UGT1A9: variants seen among roughly 807,000 people sequenced by gnomAD.
The protein encoded by UGT1A9 is UDP-glucuronosyltransferase 1A9.
Under a neutral mutation model 45.0 loss-of-function variants are expected in UGT1A9, and 35 were observed. The ratio of observed to expected loss-of-function variants is 0.78; its 90% confidence interval spans 0.59 to 1.03. The LOEUF (loss-of-function observed/expected upper bound fraction) is 1.03. UGT1A9 is among the 50% of genes least tolerant of loss of function. The pLI, the probability that UGT1A9 is intolerant of heterozygous loss-of-function variation, is 0.00. For synonymous variants in UGT1A9, 278 were observed against 250.6 expected (o/e 1.11, Z -1.03); for missense variants, 687 against 666.6 (o/e 1.03, Z -0.34).
chr2:233,728,979 T>A, intron 1 of UGT1A9: 1 of 1,500,276 alleles, frequency 6.7e-7, no homozygotes, highest in Non-Finnish European at 8.9e-7. Flanking sequence ...AGATTAATGG[T>A]TAATAATTAA....
Position 233,693,577 on chromosome 2 carries a change from C to T in UGT1A9, c.855+20788C>T, listed in dbSNP as rs1031278629. On this transcript the variant is annotated intron_variant, in intron 1 of 4. Coordinates refer to ENST00000354728, the MANE Select transcript of UGT1A9 (RefSeq NM_021027.3). ...GCAGAAGCCCAGACCCTGTGTCCTACATTCCCAGGTGCTACACAAAGTTTT... is the reference window on the plus strand; with the variant it reads ...GCAGAAGCCCAGACCCTGTGTCCTATATTCCCAGGTGCTACACAAAGTTTT... 4 of 1,614,118 alleles carry T rather than the reference C, an allele frequency of 2.5e-6. No homozygotes were observed. In the African/African-American group the frequency reaches 5.3e-5, roughly 22 times the overall value.
chr2:233,772,363 A>G lies in UGT1A9; in HGVS notation c.1397A>G (p.Lys466Arg). 1 of 1,614,238 alleles carries G rather than the reference A, an allele frequency of 6.2e-7. No homozygotes were observed. Among genetic ancestry groups the G allele is most frequent in the Non-Finnish European group, 8.5e-7 (1 of 1,180,044 alleles). Residue 466 changes from lysine to arginine, a missense_variant, in exon 5 of 5, where the codon AAG (lysine) becomes AGG (arginine). By Grantham distance (26) the Lys-to-Arg change is conservative. Coordinates refer to ENST00000354728, the MANE Select transcript of UGT1A9 (RefSeq NM_021027.3). ...TGGGTGGAGTTTGTGATGAGGCACA[A>G]GGGCGCGCCACACCTGCGCCCCGCA... Reference protein sequence around the residue: ...VFWVEFVMRHKGAPHLRPAAH... With the variant: ...VFWVEFVMRHRGAPHLRPAAH...
At chr2:233,723,943 C>T (rs2125696372) in intron 1 of UGT1A9, among the ~76,000 whole-genome samples, 1 of 54,774 alleles carries the variant, frequency 1.8e-5, no homozygotes, top group African/African-American at 1.4e-4. Flanking sequence ...TCTACACAGA[C>T]ACGGCAACCA....
At chr2:233,730,120 A>G in intron 1 of UGT1A9, 3 of 1,552,984 alleles carry the variant, frequency 1.9e-6, no homozygotes, top group Non-Finnish European at 1.7e-6. Context: ...TCTCCTTGTC[A>G]TAATAGCCTT....
chr2:233,699,567 C>G (rs946765606), intron 1 of UGT1A9, among the ~76,000 whole-genome samples: 1 of 152,218 alleles, frequency 6.6e-6, no homozygotes, highest in African/African-American at 2.4e-5. Context: ...GGCCAGAGCT[C>G]TGGCTCTAGG....
intron 1 of UGT1A9, among the ~76,000 whole-genome samples, chr2:233,737,879 A>G (rs1333884125): frequency 6.6e-6 from 1 of 152,166 alleles, no homozygotes; most frequent in East Asian, 1.9e-4. Flanking sequence ...TTCCACATTA[A>G]CAAAGCTAAT....
intron 1 of UGT1A9, chr2:233,754,923 C>G (rs1466218732): frequency 7.4e-7 from 1 of 1,349,888 alleles, no homozygotes; most frequent in Non-Finnish European, 9.9e-7. Flanking sequence ...CAGCGGGTTT[C>G]CCAAGAGGTC....
intron 1 of UGT1A9, among the ~76,000 whole-genome samples, chr2:233,714,816 G>A (rs1447041593): frequency 6.6e-6 from 1 of 152,208 alleles, no homozygotes; most frequent in African/African-American, 2.4e-5. Context: ...TATGTAGTTA[G>A]TGACAACAAT....
At chr2:233,693,139 A>T (rs887728355) in intron 1 of UGT1A9, 1 of 1,614,190 alleles carries the variant, frequency 6.2e-7, no homozygotes, top group African/African-American at 1.3e-5. Context: ...TGAAGGATAT[A>T]GTTGAGGTTC....
At chr2:233,737,896 G>C (rs1414538821) in intron 1 of UGT1A9, among the ~76,000 whole-genome samples, 1 of 152,068 alleles carries the variant, frequency 6.6e-6, no homozygotes, top group Non-Finnish European at 1.5e-5. Context: ...TAATTTTCGA[G>C]TGTGGTAAAG....
chr2:233,747,399 C>G, intron 1 of UGT1A9: 4 of 1,606,666 alleles, frequency 2.5e-6, no homozygotes, highest in Non-Finnish European at 3.4e-6. Context: ...GGTCCTCACC[C>G]CAGAGGTGAA....
chr2:233,768,088 A>G, intron 3 of UGT1A9, 132 bp from the exon 4 acceptor site: 2 of 1,591,352 alleles, frequency 1.3e-6, no homozygotes, highest in Non-Finnish European at 1.7e-6. Flanking sequence ...CTCAACCCAC[A>G]TTTTCTTCTG....
intron 1 of UGT1A9, among the ~76,000 whole-genome samples, chr2:233,724,153 T>C (rs1193924523): frequency 7.3e-3 from 371 of 51,008 alleles, no homozygotes; most frequent in Admixed American, 0.011. Flanking sequence ...GCTGGCCGGG[T>C]GGGGGGGCTG....
At chr2:233,758,613 T>TGCATGC (rs1429486776) in intron 1 of UGT1A9, among the ~76,000 whole-genome samples, 2 of 152,164 alleles carry the variant, frequency 1.3e-5, no homozygotes, top group Non-Finnish European at 2.9e-5. Flanking sequence ...AGTGTGCATG[T>TGCATGC]GCATGCAAAG....
intron 1 of UGT1A9, chr2:233,717,916 T>A (rs1363488436): frequency 2.2e-6 from 1 of 454,812 alleles, no homozygotes. Flanking sequence ...AAGGCCTGGA[T>A]GAATGGATAC....
chr2:233,743,432 G>A (rs779473501), intron 1 of UGT1A9: 7 of 1,356,042 alleles, frequency 5.2e-6, no homozygotes, highest in South Asian at 2.3e-5. Flanking sequence ...CCAAAGGAAC[G>A]AAATCCTGTA....
In UGT1A9 at chr2:233,724,671, T is replaced by C. The variant is rs376440949; in HGVS notation, c.856-42363T>C. On this transcript the variant is annotated intron_variant, in intron 1 of 4. Coordinates refer to ENST00000354728, the MANE Select transcript of UGT1A9 (RefSeq NM_021027.3). ...CTGGGAAGAGGCGCTCCTCACTTCC[T>C]AGATGGGATGGCGGCCGGGTGAAGA... 3.9e-4 allele frequency among the ~76,000 whole-genome samples: 56 copies of C among 142,288 alleles called. 1 individual carries two copies. Among genetic ancestry groups the C allele is most frequent in the Non-Finnish European group, 7.5e-4 (49 of 65,750 alleles). The allele number at this position is 142,288 out of a possible 152,430, so 93.3% of individuals were successfully genotyped here.
intron 1 of UGT1A9, among the ~76,000 whole-genome samples, chr2:233,684,354 T>C (rs1407192831): frequency 5.9e-5 from 9 of 152,156 alleles, no homozygotes; most frequent in African/African-American, 1.9e-4. Flanking sequence ...TGTCAAAGTG[T>C]CTCTCCCCTG....
At chr2:233,711,679 T>C (rs1356077435) in intron 1 of UGT1A9, among the ~76,000 whole-genome samples, 1 of 152,190 alleles carries the variant, frequency 6.6e-6, no homozygotes. Context: ...CAATGTGGAT[T>C]TCTAATGGGG....
Sources: allele counts gnomAD v4.1 joint callset (sites outside exome capture counted in the v4.1 genomes callset), GRCh38; gene constraint gnomAD v4.1.1; transcripts MANE v1.5; gene names NCBI Gene and HGNC (gene_info 2026-07-23, HGNC 2026-07-21).